Variants in FCSK observed in about 807,000 individuals in gnomAD.
FCSK encodes the protein fucose kinase.
Under a neutral mutation model 122.5 loss-of-function variants are expected in FCSK, and 123 were observed. The observed-to-expected ratio is 1.00, with a 90% confidence interval of 0.87 to 1.17. The LOEUF is 1.17. Ranked by LOEUF, FCSK falls within the 50% of genes most tolerant of loss-of-function variation. The probability of loss-of-function intolerance (pLI) is 0.00; values close to 1 mark genes in which losing one functional copy is unlikely to be tolerated. For synonymous variants in FCSK, 620 were observed against 625.5 expected (o/e 0.99, Z 0.13); for missense variants, 1,366 against 1,450.4 (o/e 0.94, Z 0.95).
At chr16:70,465,515 C>T (rs1021708262) in intron 4 of FCSK, among the ~76,000 whole-genome samples, 2 of 151,680 alleles carry the variant, frequency 1.3e-5, no homozygotes, top group African/African-American at 2.4e-5. Context: ...AAAAATTAGC[C>T]GCCATGGTGG....
chr16:70,455,419 A>G (rs917953243), intron 1 of FCSK, among the ~76,000 whole-genome samples: 1 of 151,992 alleles, frequency 6.6e-6, no homozygotes, highest in East Asian at 1.9e-4. Context: ...CAGGAGATGG[A>G]GGTTGCAGTG....
At chr16:70,475,945 G>A in intron 20 of FCSK, 178 bp downstream of exon 20, 1 of 601,162 alleles carries the variant, frequency 1.7e-6, no homozygotes, top group Non-Finnish European at 2.6e-6. Context: ...AACCTGAAAT[G>A]TTCTACCTCC....
intron 1 of FCSK, among the ~76,000 whole-genome samples, chr16:70,460,237 G>A (rs1017883133): frequency 1.3e-5 from 2 of 150,150 alleles, no homozygotes; most frequent in African/African-American, 4.9e-5. Flanking sequence ...TCAGCCTCCC[G>A]AGTAGCTGGG....
chr16:70,475,502 G>A lies in FCSK; in HGVS notation c.2521+9G>A. 1 of 1,600,658 alleles carries A rather than the reference G, an allele frequency of 6.2e-7. No individual in the cohort carries two copies. Among genetic ancestry groups the A allele is most frequent in the Non-Finnish European group, 8.5e-7 (1 of 1,177,016 alleles). ...CCACGGCTCTGGCCTGGGTGAGCGG[G>A]CCCTGCCTCCTGCTACCCACCGACT... On this transcript the variant is annotated intron_variant, in intron 19 of 23. Coordinates refer to ENST00000288078, the MANE Select transcript of FCSK (RefSeq NM_145059.3).
chr16:70,463,735 G>T lies in FCSK; in HGVS notation c.195G>T (p.Leu65=), dbSNP rs150311768. 3 of 1,612,384 alleles carry T rather than the reference G, an allele frequency of 1.9e-6. No homozygotes were observed. Among genetic ancestry groups the T allele is most frequent in the Non-Finnish European group, 2.5e-6 (3 of 1,179,904 alleles). ...GAGGAGCCACCCTCAACGCCCTGCTGGTGGCTGCTGAACACCTGAGTGCCC... is the reference window on the plus strand; with the variant it reads ...GAGGAGCCACCCTCAACGCCCTGCTTGTGGCTGCTGAACACCTGAGTGCCC... The part of the protein sequence containing the change: ...GSGGATLNAL[L]VAAEHLSARA... The change falls in exon 3 of 24, where the codon CTG becomes CTT. Residue 65 remains leucine (L), a synonymous_variant. Coordinates refer to ENST00000288078, the MANE Select transcript of FCSK (RefSeq NM_145059.3).
In FCSK at chr16:70,478,604, C is replaced by T. The variant is rs1355568143; in HGVS notation, c.2883C>T (p.His961=). Residue 961 remains histidine (H), a synonymous_variant, in exon 22 of 24, where the codon CAC becomes CAT. Transcript: ENST00000288078. The stretch of plus-strand genomic sequence containing the variant: ...TTCCTGCTGTGGTGCAGAATGCCCA[C>T]AGCCTGGTACGGCAAACTGAGGAGT... ...ARLPAVVQNA[H]SLVRQTEECA... 6.2e-7 allele frequency: 1 copy of T among 1,613,800 alleles called. No individual in the cohort carries two copies. The highest frequency in any genetic ancestry group is 1.7e-5 in the Admixed American group (1 of 60,024).
Position 70,467,664 on chromosome 16 carries a change from G to C in FCSK, c.582+193G>C, listed in dbSNP as rs542578280. 35 of 633,878 alleles carry C rather than the reference G, an allele frequency of 5.5e-5. No individual in the cohort carries two copies. In the East Asian group the frequency reaches 8.2e-4, roughly 15 times the overall value. The allele number at this position is 633,878 out of a possible 1,614,324, so 39.3% of individuals were successfully genotyped here. Reference sequence around the variant, plus strand: ...AAAATACATTTCACACCGACCGCCTGTCCAGTCTCTGTGCCCAGGCTCAGG... The same window carrying C: ...AAAATACATTTCACACCGACCGCCTCTCCAGTCTCTGTGCCCAGGCTCAGG... On this transcript the variant is annotated intron_variant, in intron 7 of 23. Coordinates refer to ENST00000288078, the MANE Select transcript of FCSK (RefSeq NM_145059.3).
chr16:70,476,098 G>A (rs2048806058), intron 20 of FCSK: 1 of 178,178 alleles, frequency 5.6e-6, no homozygotes, highest in East Asian at 1.4e-4. Flanking sequence ...TGCCTCCCGG[G>A]TTCACGCCAT....
intron 8 of FCSK, among the ~76,000 whole-genome samples, chr16:70,468,482 GC>G (rs2048496649): frequency 6.6e-6 from 1 of 152,168 alleles, no homozygotes; most frequent in Admixed American, 6.6e-5. Flanking sequence ...AAAAAAGAAA[GC>G]CTAGAACCAG....
At chr16:70,455,325 G>C (rs1167799335) in intron 1 of FCSK, among the ~76,000 whole-genome samples, 1 of 152,172 alleles carries the variant, frequency 6.6e-6, no homozygotes, top group Non-Finnish European at 1.5e-5. Flanking sequence ...AGGCTGTATT[G>C]AAAGTGGGTA....
chr16:70,456,246 C>T (rs1370758020), intron 1 of FCSK, among the ~76,000 whole-genome samples: 1 of 152,200 alleles, frequency 6.6e-6, no homozygotes, highest in Admixed American at 6.5e-5. Context: ...GCCAAAATTA[C>T]TTTTGCACCA....
Position 70,475,773 on chromosome 16 carries a change from TGACTGCCCTGGA to T in FCSK, c.2641+8_2641+19del. 6.4e-7 allele frequency: 1 copy of T among 1,563,436 alleles called. No homozygotes were observed. The highest frequency in any genetic ancestry group is 8.7e-7 in the Non-Finnish European group (1 of 1,152,184). ...GGAGCAGGTGCTCACCACTGGTATG[TGACTGCCCTGGA>T]GTTGGAGGAGGTCACTGACACTTTC... is the stretch of plus-strand genomic sequence containing the variant. On this transcript the variant is annotated splice_region_variant and intron_variant, in intron 20 of 23. Coordinates refer to ENST00000288078, the MANE Select transcript of FCSK (RefSeq NM_145059.3).
chr16:70,479,026 G>C, intron 22 of FCSK, 154 bp from the exon 23 acceptor site: 1 of 661,996 alleles, frequency 1.5e-6, no homozygotes, highest in Non-Finnish European at 2.7e-6. Flanking sequence ...AGGCAGTCCT[G>C]GGAAGTGGGT....
rs1241614442 is a variant in FCSK at position 70,474,328 on chromosome 16, G to A, written c.1977G>A (p.Lys659=). Residue 659 remains lysine, a synonymous_variant, in exon 16 of 24, where the codon AAG becomes AAA. Coordinates refer to ENST00000288078, the MANE Select transcript of FCSK (RefSeq NM_145059.3). ...GVEALAQERD[K]WLSRPALLVR... ...AGGCGCTTGCCCAGGAGAGGGACAA[G>A]TGGCTAAGCAGGTGTGTACTAATGG... 1 of 1,613,356 alleles carries A rather than the reference G, an allele frequency of 6.2e-7. No homozygotes were observed. Among genetic ancestry groups the A allele is most frequent in the East Asian group, 2.2e-5 (1 of 44,858 alleles).
At position 70,473,289 on chromosome 16, in the gene FCSK, C is replaced by T. The variant is rs1160392872; in HGVS notation, c.1713C>T (p.Arg571=). The T allele has an allele frequency of 3.9e-6, 6 of 1,528,734 alleles. No individual in the cohort carries two copies. Among genetic ancestry groups the T allele is most frequent in the Non-Finnish European group, 5.3e-6 (6 of 1,139,128 alleles). The allele number at this position is 1,528,734 out of a possible 1,614,324, so 94.7% of individuals were successfully genotyped here. A position where few individuals can be genotyped will look rare whatever the true frequency, so the allele number is the denominator to read the frequency against. The part of the protein sequence containing the change: ...VLEARQDLSL[R]PLIWAAVREG... ...AGGCCCGGCAGGACCTCAGCCTGCG[C>T]CCGCTGATCTGGGCTGCTGTCCGCG... The change falls in exon 15 of 24, where the codon CGC becomes CGT. Residue 571 remains arginine (R), a synonymous_variant. Coordinates refer to ENST00000288078, the MANE Select transcript of FCSK (RefSeq NM_145059.3). The surrounding 1 kb of genome is among the most constrained non-coding windows in gnomAD (Gnocchi z 4.9).
rs199916020 is a variant in FCSK at position 70,478,346 on chromosome 16, C to T, written c.2716C>T (p.Leu906=). The T allele has an allele frequency of 5.7e-5, 92 of 1,614,228 alleles. No homozygotes were observed. In the African/African-American group the frequency reaches 1.1e-3, roughly 20 times the overall value. The change falls in exon 21 of 24, where the codon CTG becomes TTG. Residue 906 remains leucine, a synonymous_variant. Coordinates refer to ENST00000288078, the MANE Select transcript of FCSK (RefSeq NM_145059.3). ...KVGRSRAQLP[L]KVEVEEVTVP... ...GGGGCGCTCCCGGGCTCAGCTGCCA[C>T]TGAAGGTGGAGGTAGAAGAGGTCAC...
Position 70,475,746 on chromosome 16 carries a change from C to T in FCSK, c.2620C>T (p.Leu874=). The T allele has an allele frequency of 6.3e-7, 1 of 1,592,630 alleles. No homozygotes were observed. The highest frequency in any genetic ancestry group is 8.6e-7 in the Non-Finnish European group (1 of 1,167,758). ...AGCCCTGATCCACGCAGTGCTGCAC[C>T]TGGAGCAGGTGCTCACCACTGGTAT... ...TEALIHAVLH[L]EQVLTTGGGW... is the part of the protein sequence containing the mutation. Residue 874 remains leucine, a synonymous_variant, in exon 20 of 24, where the codon CTG becomes TTG. Coordinates refer to ENST00000288078, the MANE Select transcript of FCSK (RefSeq NM_145059.3).
At position 70,473,266 on chromosome 16, in the gene FCSK, G is replaced by A; in HGVS notation, c.1690G>A (p.Ala564Thr). 6.5e-7 allele frequency: 1 copy of A among 1,531,344 alleles called. No individual in the cohort carries two copies. The highest frequency in any genetic ancestry group is 1.2e-5 in the South Asian group (1 of 83,704). The allele number at this position is 1,531,344 out of a possible 1,614,324, so 94.9% of individuals were successfully genotyped here. Reference sequence around the variant, plus strand: ...GCATAAGGCGCGGCACGTGCTGGAGGCCCGGCAGGACCTCAGCCTGCGCCC... The same window carrying A: ...GCATAAGGCGCGGCACGTGCTGGAGACCCGGCAGGACCTCAGCCTGCGCCC... ...ALHKARHVLE[A>T]RQDLSLRPLI... Residue 564 changes from alanine to threonine, a missense_variant, in exon 15 of 24, where the codon GCC (alanine) becomes ACC (threonine). Physicochemically the swap from Ala to Thr is moderately conservative, Grantham distance 58. Coordinates refer to ENST00000288078, the MANE Select transcript of FCSK (RefSeq NM_145059.3). The surrounding 1 kb of genome is among the most constrained non-coding windows in gnomAD (Gnocchi z 4.9).
intron 18 of FCSK, 112 bp from the exon 19 acceptor site, chr16:70,475,238 G>T (rs2048767478): frequency 7.7e-7 from 1 of 1,304,568 alleles, no homozygotes; most frequent in Non-Finnish European, 1.1e-6. Context: ...ACTGCTGCTG[G>T]GCTTTTGTCC....
Sources: gnomAD v4.1 joint callset for allele counts (sites outside exome capture counted in the v4.1 genomes callset) on GRCh38, gnomAD v4.1.1 for gene constraint, Gnocchi (gnomAD v3.1) non-coding constraint, MANE v1.5 for transcripts, NCBI Gene and HGNC (gene_info 2026-07-23, HGNC 2026-07-21) for gene names.